The following CAST variants were observed in gnomAD, a reference collection of about 807,000 sequenced individuals.
The protein encoded by CAST is MIR583 host.
In CAST, 76 loss-of-function variants were observed where a neutral mutation model predicts 119.6. That is an observed-to-expected ratio of 0.64 (90% CI 0.53 to 0.77). The LOEUF is 0.77. Ranked by LOEUF, CAST falls within the 30% of genes least tolerant of loss-of-function variation. The pLI is 0.00. For synonymous variants in CAST, 319 were observed against 331.6 expected (o/e 0.96, Z 0.41); for missense variants, 953 against 946.5 (o/e 1.01, Z -0.09).
At chr5:96,276,332 T>C in the CAST span, among the ~76,000 whole-genome samples, 1 of 152,254 alleles carries the variant, frequency 6.6e-6, no homozygotes, top group Non-Finnish European at 1.5e-5. Flanking sequence ...ATTTTATGGA[T>C]ATTCATATTT....
the CAST span, among the ~76,000 whole-genome samples, chr5:96,409,652 G>C: frequency 3.3e-5 from 5 of 152,290 alleles, no homozygotes; most frequent in African/African-American, 1.2e-4. Context: ...TTTTCTAAAG[G>C]CAGCTCTGGA....
At chr5:95,970,041 A>T in the CAST span, among the ~76,000 whole-genome samples, 1 of 152,206 alleles carries the variant, frequency 6.6e-6, no homozygotes, top group East Asian at 1.9e-4. Flanking sequence ...CTTATGCTTG[A>T]GGGATGTTTG....
chr5:96,339,988 CTT>C, the CAST span, among the ~76,000 whole-genome samples: 1 of 152,168 alleles, frequency 6.6e-6, no homozygotes, highest in African/African-American at 2.4e-5. Flanking sequence ...CCCCTAGACA[CTT>C]AAAAGTCTTG....
chr5:96,583,270 G>A (rs1746798643), intron 1 of CAST, among the ~76,000 whole-genome samples: 1 of 150,434 alleles, frequency 6.6e-6, no homozygotes, highest in South Asian at 2.1e-4. Flanking sequence ...GCCAGGAGTT[G>A]TATTTGAATT....
At chr5:96,606,497 G>A (rs1391132550) in intron 1 of CAST, among the ~76,000 whole-genome samples, 1 of 152,226 alleles carries the variant, frequency 6.6e-6, no homozygotes, top group African/African-American at 2.4e-5. Flanking sequence ...GACAGGCCTA[G>A]AGGAGGAACA....
chr5:96,204,247 T>A, the CAST span, among the ~76,000 whole-genome samples: 3 of 152,184 alleles, frequency 2.0e-5, no homozygotes, highest in South Asian at 6.2e-4. Flanking sequence ...TCATCCGCTT[T>A]CCAGCACCAA....
chr5:96,611,324 C>T (rs1220032185), intron 1 of CAST, among the ~76,000 whole-genome samples: 1 of 152,140 alleles, frequency 6.6e-6, no homozygotes, highest in Non-Finnish European at 1.5e-5. Context: ...AACAACTGAT[C>T]TTTAACAAAA....
At chr5:96,240,817 G>A in the CAST span, among the ~76,000 whole-genome samples, 7 of 143,962 alleles carry the variant, frequency 4.9e-5, no homozygotes, top group Admixed American at 4.3e-4. Context: ...ACTTTCAAAA[G>A]GACATTTATA....
the CAST span, among the ~76,000 whole-genome samples, chr5:96,396,561 C>CAAAAA: frequency 8.2e-6 from 1 of 122,432 alleles, no homozygotes; most frequent in Non-Finnish European, 1.8e-5. Context: ...GACTCCGTCT[C>CAAAAA]AAAAAAAAAA....
chr5:96,586,225 T>G (rs999666584), intron 1 of CAST, among the ~76,000 whole-genome samples: 1 of 152,238 alleles, frequency 6.6e-6, no homozygotes, highest in African/African-American at 2.4e-5. Flanking sequence ...GTCAATAAGG[T>G]GAAAAGTTAG....
the CAST span, chr5:96,399,079 A>G: frequency 1.4e-6 from 2 of 1,464,306 alleles, no homozygotes; most frequent in Middle Eastern, 1.7e-4. Context: ...GTATATCCAA[A>G]CTTCCTTGCA....
intron 1 of CAST, among the ~76,000 whole-genome samples, chr5:96,561,796 G>GTTTTTTTTTTGTTTT (rs1554067789): frequency 3.1e-5 from 3 of 97,422 alleles, no homozygotes; most frequent in African/African-American, 1.2e-4. Context: ...GTTTTTTTTT[G>GTTTTTTTTTTGTTTT]TTTTTTTTTT....
the CAST span, among the ~76,000 whole-genome samples, chr5:96,362,879 T>G: frequency 3.9e-5 from 6 of 152,216 alleles, no homozygotes; most frequent in African/African-American, 1.4e-4. Context: ...TTGCCATTGC[T>G]TTTGGTGTTT....
the CAST span, among the ~76,000 whole-genome samples, chr5:96,231,234 G>A: frequency 6.6e-6 from 1 of 152,124 alleles, no homozygotes; most frequent in African/African-American, 2.4e-5. Flanking sequence ...CAACCGCAAT[G>A]TTCATGAACT....
chr5:96,623,385 C>CA (rs570706289), intron 1 of CAST, among the ~76,000 whole-genome samples: 1 of 152,084 alleles, frequency 6.6e-6, no homozygotes, highest in Non-Finnish European at 1.5e-5. Flanking sequence ...TTTCAAAAGC[C>CA]AATAATAATA....
the CAST span, among the ~76,000 whole-genome samples, chr5:96,435,557 G>A: frequency 1.3e-5 from 2 of 152,176 alleles, no homozygotes; most frequent in African/African-American, 4.8e-5. Context: ...GTAGATCATG[G>A]TAGTGACCTC....
chr5:96,319,583 C>T, the CAST span, among the ~76,000 whole-genome samples: 4 of 152,094 alleles, frequency 2.6e-5, no homozygotes, highest in Admixed American at 6.5e-5. Flanking sequence ...ACTTCACAGG[C>T]GTGCTCTGTG....
At chr5:96,219,573 A>G in the CAST span, among the ~76,000 whole-genome samples, 7 of 152,212 alleles carry the variant, frequency 4.6e-5, no homozygotes, top group Non-Finnish European at 1.0e-4. Context: ...CGGGAGGTTG[A>G]GGCAGAAGGA....
the CAST span, among the ~76,000 whole-genome samples, chr5:96,131,450 CTAAAA>C: frequency 5.3e-5 from 8 of 151,378 alleles, no homozygotes; most frequent in East Asian, 1.9e-4. Context: ...CACATACATA[CTAAAA>C]TAAAATAAAA....
Sources: allele counts gnomAD v4.1 joint callset (sites outside exome capture counted in the v4.1 genomes callset), GRCh38; gene constraint gnomAD v4.1.1; transcripts MANE v1.5; gene names NCBI Gene and HGNC (gene_info 2026-07-23, HGNC 2026-07-21).